The following CACNG4 variants were observed in gnomAD, a reference collection of about 807,000 sequenced individuals.
The protein encoded by CACNG4 is calcium voltage-gated channel auxiliary subunit gamma 4.
A neutral mutation model predicts 22.9 loss-of-function variants in CACNG4; 8 were observed. The ratio of observed to expected loss-of-function variants is 0.35; its 90% confidence interval spans 0.21 to 0.63. CACNG4 has a LOEUF of 0.63. Among genes scored for constraint, CACNG4 ranks in the 30% least tolerant of loss-of-function variants. The pLI is 0.72. For missense variants in CACNG4, 357 were observed against 455.4 expected (o/e 0.78, Z 1.97); for synonymous variants, 188 against 191.9 (o/e 0.98, Z 0.17).
intron 1 of CACNG4, among the ~76,000 whole-genome samples, chr17:67,016,648 G>A (rs1338686420): frequency 6.6e-6 from 1 of 152,178 alleles, no homozygotes; most frequent in Non-Finnish European, 1.5e-5. Flanking sequence ...GGCCCCAGGT[G>A]GAAACTGCTC....
intron 3 of CACNG4, among the ~76,000 whole-genome samples, chr17:67,026,177 G>GTT (rs1423015024): frequency 2.7e-5 from 4 of 150,168 alleles, no homozygotes; most frequent in African/African-American, 7.4e-5. Context: ...GTTTGTGTGT[G>GTT]AGGAGTGTGG....
In CACNG4 at chr17:67,007,652, C is replaced by A. The variant is rs112281907; in HGVS notation, c.221-10537C>A. 1.9e-3 allele frequency among the ~76,000 whole-genome samples: 288 copies of A among 152,270 alleles called. 1 individual carries two copies. Among genetic ancestry groups the A allele is most frequent in the African/African-American group, 6.6e-3 (273 of 41,558 alleles). ...ACTCTTTCTAAGCCCTTTCCTCAGTCGTCACTGAATACCTATGGAACCAGA... is the reference window on the plus strand; with the variant it reads ...ACTCTTTCTAAGCCCTTTCCTCAGTAGTCACTGAATACCTATGGAACCAGA... On this transcript the variant is annotated intron_variant, in intron 1 of 3. Transcript: ENST00000262138.
chr17:67,018,232 GGACAA>G lies in CACNG4; in HGVS notation c.265_269del (p.Asp89Ter). The G allele has an allele frequency of 6.2e-7, 1 of 1,614,140 alleles. No individual in the cohort carries two copies. The highest frequency in any genetic ancestry group is 8.5e-7 in the Non-Finnish European group (1 of 1,179,998). On this transcript the variant is annotated frameshift_variant, in exon 2 of 4. Coordinates refer to ENST00000262138, the MANE Select transcript of CACNG4 (RefSeq NM_014405.4). LOFTEE classifies it high-confidence loss of function. ...GCTTCCGGATCAATCACTTCCCAGA[GGACAA>G]TGACTACGACCACGACAGCTCGGAG...
At chr17:67,007,613 G>T (rs1341411283) in intron 1 of CACNG4, among the ~76,000 whole-genome samples, 1 of 152,086 alleles carries the variant, frequency 6.6e-6, no homozygotes, top group East Asian at 1.9e-4. Flanking sequence ...GTGATGTGCT[G>T]TCGGAAACTC....
At chr17:67,018,314 G>T (rs539209686) in intron 2 of CACNG4, 42 bp downstream of exon 2, 3 of 1,494,934 alleles carry the variant, frequency 2.0e-6, no homozygotes, top group Non-Finnish European at 2.8e-6. Context: ...GTGGGGAGGC[G>T]GAAGGGTGGG....
chr17:66,990,451 T>C (rs1459366812), intron 1 of CACNG4, among the ~76,000 whole-genome samples: 5 of 152,206 alleles, frequency 3.3e-5, no homozygotes, highest in South Asian at 4.1e-4. Context: ...GAGGATGTTA[T>C]ACAGGGGCAC....
intron 1 of CACNG4, among the ~76,000 whole-genome samples, chr17:67,011,022 T>A (rs937530989): frequency 6.6e-6 from 1 of 152,214 alleles, no homozygotes; most frequent in Non-Finnish European, 1.5e-5. Context: ...CTCTCCAATT[T>A]GGAGTAGTTG....
At chr17:67,025,097 A>T in intron 3 of CACNG4, 97 bp downstream of exon 3, 1 of 1,158,242 alleles carries the variant, frequency 8.6e-7, no homozygotes, top group African/African-American at 1.6e-5. Context: ...TGCATCCTAG[A>T]GGGGAATGCA....
chr17:66,997,400 C>T (rs1446354635), intron 1 of CACNG4, among the ~76,000 whole-genome samples: 3 of 152,108 alleles, frequency 2.0e-5, no homozygotes, highest in African/African-American at 7.2e-5. Flanking sequence ...TGGAGGGTTA[C>T]AAAGGGCAGG....
intron 1 of CACNG4, 120 bp downstream of exon 1, chr17:66,965,251 C>A: frequency 3.1e-6 from 2 of 647,244 alleles, no homozygotes; most frequent in Non-Finnish European, 4.9e-6. Context: ...GGCGCGCGGG[C>A]CGGGGAGAGG....
intron 1 of CACNG4, among the ~76,000 whole-genome samples, chr17:66,979,533 A>G (rs1182754789): frequency 6.6e-6 from 1 of 152,174 alleles, no homozygotes; most frequent in Non-Finnish European, 1.5e-5. Context: ...CTGGGAACAA[A>G]TATTGGAAGG....
At chr17:66,977,151 CCTG>C (rs1423872336) in intron 1 of CACNG4, among the ~76,000 whole-genome samples, 1 of 152,208 alleles carries the variant, frequency 6.6e-6, no homozygotes, top group Non-Finnish European at 1.5e-5. Flanking sequence ...GCTGTAGAGT[CCTG>C]ACTGGTCACT....
rs546923503 is a variant in CACNG4, at chr17:67,006,320, A to G, written c.221-11869A>G. Among the ~76,000 whole-genome samples the G allele has an allele frequency of 2.6e-5, 4 of 152,316 alleles. No homozygotes were observed. The South Asian group carries it at 8.3e-4, about 32-fold the overall frequency. ...GCCTGGAGGGTCTAGAGCTCCGGGC[A>G]TGAGCCATGAGTTTTCCAGCTTCAG... On this transcript the variant is annotated intron_variant, in intron 1 of 3. Transcript: ENST00000262138.
intron 1 of CACNG4, among the ~76,000 whole-genome samples, chr17:67,011,125 T>C (rs997682014): frequency 1.3e-5 from 2 of 152,232 alleles, no homozygotes; most frequent in Non-Finnish European, 2.9e-5. Flanking sequence ...CCTAAGTTAA[T>C]TCAACCAAAA....
Position 67,024,867 on chromosome 17 carries a change from G to A in CACNG4, c.312G>A (p.Val104=). 1.3e-6 allele frequency: 2 copies of A among 1,562,016 alleles called. No individual in the cohort carries two copies. The highest frequency in any genetic ancestry group is 1.7e-6 in the Non-Finnish European group (2 of 1,155,966). Residue 104 remains valine, a synonymous_variant, in exon 3 of 4, where the codon GTG becomes GTA. Coordinates refer to ENST00000262138, the MANE Select transcript of CACNG4 (RefSeq NM_014405.4). ...CCCCACCTCCCCGGCCAGGCATCGT[G>A]CGAGCCTCCAGCGTCTTCCCCATCC... The part of the protein sequence containing the change: ...HDSSEYLLRI[V]RASSVFPILS...
In CACNG4 at chr17:66,965,206, GCGCGCGCA is replaced by G. The variant is rs1368900750; in HGVS notation, c.220+77_220+84del. On this transcript the variant is annotated intron_variant, in intron 1 of 3. Coordinates refer to ENST00000262138, the MANE Select transcript of CACNG4 (RefSeq NM_014405.4). ...CACACATATACACACGCGCGCGCGCGCGCGCGCACACACACACACGCGCACACACTGCC... is the reference window on the plus strand; with the variant it reads ...CACACATATACACACGCGCGCGCGCGCACACACACACGCGCACACACTGCC... 9.7e-6 allele frequency: 8 copies of G among 824,040 alleles called. No homozygotes were observed. The African/African-American group carries it at 1.5e-4, about 15-fold the overall frequency. The allele number at this position is 824,040 out of a possible 1,614,324, so 51.0% of individuals were successfully genotyped here.
intron 1 of CACNG4, among the ~76,000 whole-genome samples, chr17:66,976,883 T>C (rs2035241081): frequency 6.6e-6 from 1 of 152,204 alleles, no homozygotes; most frequent in South Asian, 2.1e-4. Context: ...CCCGCCAGTG[T>C]GGTCTCGCTT....
rs2035594326 is a variant in CACNG4, at chr17:67,030,173, G to A, written c.446-293G>A. ...TAGGGGTGTGTGTGTGTGTGTGTGTGAAGAGAGAAATTTTTTTTCTGGAAG... is the reference window on the plus strand; with the variant it reads ...TAGGGGTGTGTGTGTGTGTGTGTGTAAAGAGAGAAATTTTTTTTCTGGAAG... On this transcript the variant is annotated intron_variant, in intron 3 of 3. Transcript: ENST00000262138. The surrounding 1 kb of genome is among the most constrained non-coding windows in gnomAD (Gnocchi z 6.4). Among the ~76,000 whole-genome samples, 1 of 146,362 alleles carries A rather than the reference G, an allele frequency of 6.8e-6. No individual in the cohort carries two copies. The highest frequency in any genetic ancestry group is 2.6e-5 in the African/African-American group (1 of 38,978).
At chr17:67,022,870 C>T (rs1476472288) in intron 2 of CACNG4, among the ~76,000 whole-genome samples, 2 of 152,252 alleles carry the variant, frequency 1.3e-5, no homozygotes, top group African/African-American at 4.8e-5. Context: ...ACCCTAAGCC[C>T]CTACTGGGTG....
Sources: allele counts gnomAD v4.1 joint callset (sites outside exome capture counted in the v4.1 genomes callset), GRCh38; gene constraint gnomAD v4.1.1; non-coding constraint Gnocchi (gnomAD v3.1); transcripts MANE v1.5; gene names NCBI Gene and HGNC (gene_info 2026-07-23, HGNC 2026-07-21).